GRIK1: variants seen among roughly 807,000 people sequenced by gnomAD.
The protein encoded by GRIK1 is glutamate receptor ionotropic, kainate 1.
GRIK1 carries 69 observed loss-of-function variants against 105.7 expected under a neutral mutation model. That is an observed-to-expected ratio of 0.65 (90% CI 0.54 to 0.80). The LOEUF is 0.80. Ranked by LOEUF, GRIK1 falls within the 30% of genes least tolerant of loss-of-function variation. The pLI, the probability that GRIK1 is intolerant of heterozygous loss-of-function variation, is 0.00. For missense variants in GRIK1, 1,109 were observed against 1,167.3 expected (o/e 0.95, Z 0.73); for synonymous variants, 438 against 431.3 (o/e 1.02, Z -0.19).
intron 1 of GRIK1, among the ~76,000 whole-genome samples, chr21:29,763,126 G>A (rs2065570141): frequency 1.3e-5 from 2 of 152,152 alleles, no homozygotes; most frequent in Admixed American, 1.3e-4. Flanking sequence ...GTTGAGGGAG[G>A]GATCTGGTGG....
chr21:29,843,629 TC>T (rs1451995441), intron 1 of GRIK1, among the ~76,000 whole-genome samples: 2 of 152,180 alleles, frequency 1.3e-5, no homozygotes, highest in Non-Finnish European at 2.9e-5. Context: ...AATTTTGGTT[TC>T]TGTTGAAAGC....
At chr21:29,665,404 G>A (rs1035509589) in intron 4 of GRIK1, among the ~76,000 whole-genome samples, 21 of 152,044 alleles carry the variant, frequency 1.4e-4, no homozygotes, top group Non-Finnish European at 2.2e-4. Context: ...AGAATGTACC[G>A]CCAAAGTAAT....
At chr21:29,588,717 C>T (rs1226373931) in intron 11 of GRIK1, 122 bp downstream of exon 11, 5 of 651,946 alleles carry the variant, frequency 7.7e-6, no homozygotes, top group Non-Finnish European at 1.4e-5. Flanking sequence ...GGCTGTTTTA[C>T]TTTGCTTCTT....
chr21:29,589,161 G>C, intron 10 of GRIK1, 119 bp from the exon 11 acceptor site: 1 of 640,536 alleles, frequency 1.6e-6, no homozygotes, highest in Non-Finnish European at 2.8e-6. Context: ...GAGTACTGAA[G>C]TCATTCACTC....
At position 29,773,925 on chromosome 21, in the gene GRIK1, G is replaced by A. The variant is rs946774891; in HGVS notation, c.119-79862C>T. 4.6e-5 allele frequency among the ~76,000 whole-genome samples: 7 copies of A among 151,974 alleles called. No homozygotes were observed. The South Asian group carries it at 6.2e-4, about 13-fold the overall frequency. On this transcript the variant is annotated intron_variant, in intron 1 of 17. Coordinates refer to ENST00000327783, the MANE Select transcript of GRIK1 (RefSeq NM_001330994.2). ...CTCAAGTCTTGTCCATCCCTTTCCC[G>A]TCTGAAAAAAGTGTTTACTCATTCA...
rs1343678607 is a variant in GRIK1 at position 29,537,482 on chromosome 21, G to T, written c.2695-97C>A. ...TAGGTATTTATGAACACAAGATATTGGCTTGAAGGCAGCTCTGTCACAATT... is the reference window on the plus strand; with the variant it reads ...TAGGTATTTATGAACACAAGATATTTGCTTGAAGGCAGCTCTGTCACAATT... On this transcript the variant is annotated intron_variant, in intron 17 of 17. Transcript: ENST00000327783. 15 of 961,094 alleles carry T rather than the reference G, an allele frequency of 1.6e-5. No homozygotes were observed. The South Asian group carries it at 2.2e-4, about 14-fold the overall frequency. 59.5% of individuals were successfully genotyped at this position (961,094 alleles called of 1,614,324 possible).
chr21:29,887,829 A>G (rs531102112), intron 1 of GRIK1, among the ~76,000 whole-genome samples: 8 of 152,074 alleles, frequency 5.3e-5, no homozygotes, highest in Non-Finnish European at 1.0e-4. Context: ...GTATGCTTAT[A>G]TCTCATTGCC....
intron 7 of GRIK1, among the ~76,000 whole-genome samples, chr21:29,633,151 G>T (rs559142439): frequency 1.3e-5 from 2 of 152,134 alleles, no homozygotes; most frequent in African/African-American, 4.8e-5. Context: ...GAAAGCCCTC[G>T]CCAGAGACTG....
intron 1 of GRIK1, among the ~76,000 whole-genome samples, chr21:29,710,518 T>C (rs1179166707): frequency 6.6e-6 from 1 of 152,160 alleles, no homozygotes; most frequent in Non-Finnish European, 1.5e-5. Flanking sequence ...ATGAAAAACA[T>C]TTTTCCTTAG....
intron 1 of GRIK1, among the ~76,000 whole-genome samples, chr21:29,862,883 A>G (rs2068690586): frequency 6.6e-6 from 1 of 152,234 alleles, no homozygotes; most frequent in South Asian, 2.1e-4. Flanking sequence ...GAACAAAACT[A>G]ATTACCCAGC....
intron 1 of GRIK1, among the ~76,000 whole-genome samples, chr21:29,794,146 TTGA>T (rs1414903175): frequency 6.6e-6 from 1 of 152,156 alleles, no homozygotes; most frequent in African/African-American, 2.4e-5. Flanking sequence ...AGGATTTTGT[TTGA>T]TAAGATAATT....
rs183606181 is a variant in GRIK1, at chr21:29,847,582, T to G, written c.118+91801A>C. On this transcript the variant is annotated intron_variant, in intron 1 of 17. Coordinates refer to ENST00000327783, the MANE Select transcript of GRIK1 (RefSeq NM_001330994.2). ...GCACTCCAGCAACAGGGTGAGACTCTGTCTCAAAAAACAAACAAACAAACA... is the reference window on the plus strand; with the variant it reads ...GCACTCCAGCAACAGGGTGAGACTCGGTCTCAAAAAACAAACAAACAAACA... 6.4e-3 allele frequency among the ~76,000 whole-genome samples: 972 copies of G among 152,276 alleles called. 1 individual carries two copies. The highest frequency in any genetic ancestry group is 0.01 in the Non-Finnish European group (687 of 68,020).
chr21:29,601,439 C>T (rs2061517308), intron 7 of GRIK1, among the ~76,000 whole-genome samples: 1 of 152,156 alleles, frequency 6.6e-6, no homozygotes, highest in Non-Finnish European at 1.5e-5. Flanking sequence ...TCCTATTGTT[C>T]TGTTTCTCTG....
At chr21:29,893,179 C>A (rs192029941) in intron 1 of GRIK1, among the ~76,000 whole-genome samples, 50 of 152,344 alleles carry the variant, frequency 3.3e-4, no homozygotes, top group African/African-American at 1.2e-3. Context: ...GAAGTGATTT[C>A]ATTCACACAT....
intron 1 of GRIK1, among the ~76,000 whole-genome samples, chr21:29,753,842 G>T (rs903385057): frequency 6.6e-6 from 1 of 152,058 alleles, no homozygotes; most frequent in Non-Finnish European, 1.5e-5. Flanking sequence ...TGGATTATTG[G>T]ATGTTCTGTG....
At chr21:29,840,999 C>T (rs1186790615) in intron 1 of GRIK1, among the ~76,000 whole-genome samples, 1 of 152,120 alleles carries the variant, frequency 6.6e-6, no homozygotes, top group Non-Finnish European at 1.5e-5. Context: ...GAACTTTACA[C>T]TGGATGGTCT....
intron 17 of GRIK1, 31 bp downstream of exon 17, chr21:29,537,766 CA>C (rs772472846): frequency 1.0e-6 from 1 of 977,548 alleles, no homozygotes; most frequent in South Asian, 1.3e-5. Context: ...GGCATACGGA[CA>C]CTTCAGTAAT....
At chr21:29,899,013 ATGGCTT>A (rs1487387955) in intron 1 of GRIK1, among the ~76,000 whole-genome samples, 2 of 152,204 alleles carry the variant, frequency 1.3e-5, no homozygotes, top group South Asian at 2.1e-4. Context: ...ATATAATCTA[ATGGCTT>A]TTTTCATATT....
intron 4 of GRIK1, among the ~76,000 whole-genome samples, chr21:29,661,848 G>C (rs2062970059): frequency 6.6e-6 from 1 of 152,264 alleles, no homozygotes; most frequent in African/African-American, 2.4e-5. Context: ...TTGACAACTT[G>C]CTAAGTTCCT....
Sources: gnomAD v4.1 joint callset for allele counts (sites outside exome capture counted in the v4.1 genomes callset) on GRCh38, gnomAD v4.1.1 for gene constraint, MANE v1.5 for transcripts, NCBI Gene and HGNC (gene_info 2026-07-23, HGNC 2026-07-21) for gene names.